EPB41L1: variants seen among roughly 807,000 people sequenced by gnomAD.
EPB41L1 encodes band 4.1-like protein 1.
Under a neutral mutation model 97.8 loss-of-function variants are expected in EPB41L1, and 29 were observed. The ratio of observed to expected loss-of-function variants is 0.30; its 90% CI spans 0.22 to 0.40. EPB41L1 has a LOEUF of 0.40. Ranked by LOEUF, EPB41L1 falls within the 10% of genes least tolerant of loss-of-function variation. EPB41L1 has a pLI of 1.00. For missense variants in EPB41L1, 812 were observed against 1,162.3 expected, an observed-to-expected ratio of 0.70 and a Z score of 4.38; for synonymous variants, 383 against 459.2, an observed-to-expected ratio of 0.83 and a Z score of 2.12.
intron 2 of EPB41L1, among the ~76,000 whole-genome samples, chr20:36,117,656 G>A (rs1161289853): frequency 1.6e-5 from 2 of 121,502 alleles, no homozygotes; most frequent in Non-Finnish European, 3.2e-5. Flanking sequence ...CTTCTCCAAG[G>A]TTACACAGAC....
chr20:36,133,428 T>C (rs1314790269), intron 2 of EPB41L1, among the ~76,000 whole-genome samples: 2 of 152,250 alleles, frequency 1.3e-5, no homozygotes, highest in Non-Finnish European at 2.9e-5. Flanking sequence ...CTCAGATCTG[T>C]TGTCTGTGAT....
intron 14 of EPB41L1, among the ~76,000 whole-genome samples, chr20:36,198,956 G>A (rs934801953): frequency 7.9e-5 from 12 of 152,150 alleles, no homozygotes; most frequent in African/African-American, 2.9e-4. Flanking sequence ...GATTAAACGA[G>A]ATAATGCACG....
At chr20:36,146,732 C>G (rs2059848090) in intron 2 of EPB41L1, among the ~76,000 whole-genome samples, 2 of 151,846 alleles carry the variant, frequency 1.3e-5, no homozygotes, top group African/African-American at 4.8e-5. Context: ...AATGTGAGTG[C>G]AAGGAAATGT....
intron 19 of EPB41L1, 40 bp from the exon 20 acceptor site, chr20:36,221,824 C>T: frequency 6.3e-7 from 1 of 1,588,986 alleles, no homozygotes; most frequent in African/African-American, 1.3e-5. Flanking sequence ...GCTGCCCCAA[C>T]AGGACCCAAG....
At chr20:36,136,625 G>A (rs374086349) in intron 2 of EPB41L1, among the ~76,000 whole-genome samples, 3 of 146,600 alleles carry the variant, frequency 2.0e-5, no homozygotes, top group Admixed American at 6.9e-5. Context: ...TCGCTCTGTT[G>A]CCTAGGCCTG....
chr20:36,165,517 G>A (rs2060704267), intron 1 of EPB41L1, among the ~76,000 whole-genome samples: 1 of 152,036 alleles, frequency 6.6e-6, no homozygotes, highest in African/African-American at 2.4e-5. Context: ...TGGCCAACAT[G>A]GTGAAACCCT....
intron 11 of EPB41L1, among the ~76,000 whole-genome samples, chr20:36,193,796 G>T (rs568507114): frequency 8.5e-4 from 129 of 152,314 alleles, no homozygotes; most frequent in Non-Finnish European, 1.3e-3. Flanking sequence ...TTTATGGGCT[G>T]CCATTGATGG....
rs2061879912 is a variant in EPB41L1 at position 36,190,079 on chromosome 20, G to A, written c.1027-198G>A. ...TAGTCCTGGCTACTTGGGAGGCTGA[G>A]GCAGGAGGATCTCTTGAGCCCAGGA... On this transcript the variant is annotated intron_variant, in intron 9 of 21. Transcript: ENST00000338074. This position sits in a 1 kb window ranked among gnomAD's most constrained non-coding sequence, Gnocchi z 5.8. Among the ~76,000 whole-genome samples the A allele has an allele frequency of 6.6e-6, 1 of 152,158 alleles. No individual in the cohort carries two copies. Among genetic ancestry groups the A allele is most frequent in the African/African-American group, 2.4e-5 (1 of 41,434 alleles).
intron 15 of EPB41L1, 107 bp downstream of exon 15, chr20:36,210,005 T>G: frequency 8.4e-5 from 112 of 1,340,798 alleles, no homozygotes; most frequent in Non-Finnish European, 1.1e-4. Flanking sequence ...CCTGAAGCTC[T>G]GTCTCGTGTT....
rs566184663 is a variant in EPB41L1 at position 36,222,343 on chromosome 20, C to T, written c.2586C>T (p.Val862=). 1.5e-4 allele frequency: 248 copies of T among 1,614,066 alleles called. 3 individuals are homozygous for T. The South Asian group carries it at 2.4e-3, about 15-fold the overall frequency. ...CTGATATGCTGGTAACCAAAGCTGT[C>T]GTATACAGAGAAACAGACCCATCCC... ...QHPDMLVTKA[V]VYRETDPSPE... Residue 862 remains valine, a synonymous_variant, in exon 21 of 22, where the codon GTC becomes GTT. Transcript: ENST00000338074.
intron 17 of EPB41L1, among the ~76,000 whole-genome samples, chr20:36,216,651 C>T (rs927988161): frequency 6.6e-6 from 1 of 152,190 alleles, no homozygotes; most frequent in South Asian, 2.1e-4. Context: ...TGATTGAACA[C>T]CCATGATGTG....
At chr20:36,210,240 G>T (rs954182268) in intron 15 of EPB41L1, among the ~76,000 whole-genome samples, 2 of 152,166 alleles carry the variant, frequency 1.3e-5, no homozygotes, top group Non-Finnish European at 2.9e-5. Context: ...GGCTCCTGCA[G>T]CCTGGTCTGA....
intron 1 of EPB41L1, among the ~76,000 whole-genome samples, chr20:36,171,874 A>G (rs1310333154): frequency 6.6e-6 from 1 of 151,994 alleles, no homozygotes; most frequent in South Asian, 2.1e-4. Flanking sequence ...CTCTCATGTA[A>G]TATGATAGAT....
At chr20:36,187,953 A>G (rs975587613) in intron 8 of EPB41L1, among the ~76,000 whole-genome samples, 190 bp downstream of exon 8, 1 of 152,126 alleles carries the variant, frequency 6.6e-6, no homozygotes, top group Admixed American at 6.5e-5. Flanking sequence ...TTCTCCATGT[A>G]TTTTATTTAT....
intron 1 of EPB41L1, chr20:36,110,661 AC>A (rs1049349586): frequency 4.1e-5 from 6 of 147,678 alleles, no homozygotes; most frequent in African/African-American, 1.3e-4. Context: ...ACACACACAC[AC>A]CATTGGCCTC....
chr20:36,114,978 C>T (rs1227858875), intron 2 of EPB41L1, among the ~76,000 whole-genome samples: 1 of 152,042 alleles, frequency 6.6e-6, no homozygotes, highest in African/African-American at 2.4e-5. Flanking sequence ...TGTAACAGCT[C>T]ATAGGCCTGC....
At chr20:36,122,669 C>G (rs1474783517) in intron 2 of EPB41L1, 2 of 152,442 alleles carry the variant, frequency 1.3e-5, no homozygotes, top group East Asian at 1.9e-4. Context: ...CCTTTTCTAC[C>G]TTTCTCAAGG....
chr20:36,190,436 C>A lies in EPB41L1; in HGVS notation c.1124+62C>A. ...CAGAGGCCATGTGTATGGAGGGGAG[C>A]AGGGGGAGGAGTTAGTGAGAACTCT... On this transcript the variant is annotated intron_variant, in intron 10 of 21. Transcript: ENST00000338074. The surrounding 1 kb of genome is among the most constrained non-coding windows in gnomAD (Gnocchi z 5.8). The A allele has an allele frequency of 6.4e-7, 1 of 1,570,894 alleles. No individual in the cohort carries two copies. The highest frequency in any genetic ancestry group is 8.7e-7 in the Non-Finnish European group (1 of 1,146,564).
At chr20:36,108,351 A>T (rs2058270358) in intron 1 of EPB41L1, among the ~76,000 whole-genome samples, 1 of 151,966 alleles carries the variant, frequency 6.6e-6, no homozygotes, top group Non-Finnish European at 1.5e-5. Flanking sequence ...ATGAAAATTA[A>T]TTTCCCTCAT....
Sources: gnomAD v4.1 joint callset for allele counts (sites outside exome capture counted in the v4.1 genomes callset) on GRCh38, gnomAD v4.1.1 for gene constraint, Gnocchi (gnomAD v3.1) non-coding constraint, MANE v1.5 for transcripts, NCBI Gene and HGNC (gene_info 2026-07-23, HGNC 2026-07-21) for gene names.